Variants in MARCHF3 observed in about 807,000 individuals in gnomAD.
The protein encoded by MARCHF3 is E3 ubiquitin-protein ligase MARCHF3.
A neutral mutation model predicts 24.2 loss-of-function variants in MARCHF3; 13 were observed. The ratio of observed to expected loss-of-function variants is 0.54; its 90% CI spans 0.35 to 0.85. The LOEUF (loss-of-function observed/expected upper bound fraction) is 0.85, where lower values mean the gene tolerates loss of function less well. MARCHF3 is among the 40% of genes least tolerant of loss of function. The probability of loss-of-function intolerance (pLI) is 0.01; values close to 1 mark genes in which losing one functional copy is unlikely to be tolerated. For synonymous variants in MARCHF3, 144 were observed against 137.3 expected (o/e 1.05, Z -0.34); for missense variants, 276 against 325.0 (o/e 0.85, Z 1.16).
chr5:126,973,319 G>T (rs989589195), intron 1 of MARCHF3, among the ~76,000 whole-genome samples: 1 of 152,174 alleles, frequency 6.6e-6, no homozygotes, highest in Non-Finnish European at 1.5e-5. Flanking sequence ...CTGTGTCCAC[G>T]TTTGCATGCT....
rs140962914 is a variant in MARCHF3, at chr5:126,986,866, T to C, written c.-57+43484A>G. The stretch of plus-strand genomic sequence containing the variant: ...GGAAAAAGACATGAGAGTGATGCAA[T>C]TGGGAGATGAACATCATGAAAAGAA... On this transcript the variant is annotated intron_variant, in intron 1 of 4. Coordinates refer to ENST00000308660, the MANE Select transcript of MARCHF3 (RefSeq NM_178450.5). Among the ~76,000 whole-genome samples the C allele has an allele frequency of 1.9e-3, 294 of 152,216 alleles. 1 individual carries two copies. The highest frequency in any genetic ancestry group is 3.4e-3 in the Middle Eastern group (1 of 294).
chr5:126,931,953 T>G lies in MARCHF3; in HGVS notation c.-56-13726A>C, dbSNP rs140336664. Among the ~76,000 whole-genome samples, 14 of 152,360 alleles carry G rather than the reference T, an allele frequency of 9.2e-5. No individual in the cohort carries two copies. In the East Asian group the frequency reaches 2.7e-3, roughly 29 times the overall value. ...GGGTTTGAATCCCTTCGATTTTCCA[T>G]CTACCAGTTATGCCTCCTTAAGCCA... On this transcript the variant is annotated intron_variant, in intron 1 of 4. Coordinates refer to ENST00000308660, the MANE Select transcript of MARCHF3 (RefSeq NM_178450.5).
Position 126,868,975 on chromosome 5 carries a change from C to A in MARCHF3, c.*1658G>T, listed in dbSNP as rs79665108. On this transcript the variant is annotated 3_prime_UTR_variant, in exon 5 of 5. Transcript: ENST00000308660. ...ATATATTACTGGAATTGAAGTGTCC[C>A]AGTGAAGCGTGGTGGGGAGGAAATC... The A allele has an allele frequency of 0.025, 3,820 of 152,354 alleles. 73 individuals are homozygous for A. The highest frequency in any genetic ancestry group is 0.075 in the East Asian group (386 of 5,180). 9.4% of individuals were successfully genotyped at this position (152,354 alleles called of 1,614,324 possible).
Position 126,983,697 on chromosome 5 carries a change from C to CAGACG in MARCHF3, c.-57+46652_-57+46653insCGTCT, listed in dbSNP as rs1561458853. Among the ~76,000 whole-genome samples the CAGACG allele has an allele frequency of 2.9e-3, 449 of 152,248 alleles. 1 individual carries two copies. The highest frequency in any genetic ancestry group is 0.01 in the African/African-American group (434 of 41,530). ...CAGACGGCTGAGGAGCCAGGTCCCT[C>CAGACG]GCTTTCCAACTTGTCCCTTCCCTCA... On this transcript the variant is annotated intron_variant, in intron 1 of 4. Transcript: ENST00000308660.
intron 1 of MARCHF3, among the ~76,000 whole-genome samples, chr5:127,028,817 A>C (rs1753083345): frequency 6.6e-6 from 1 of 152,192 alleles, no homozygotes. Flanking sequence ...CTCCCTCACC[A>C]AAACTTCAAG....
At chr5:126,960,076 C>T (rs2126821749) in intron 1 of MARCHF3, among the ~76,000 whole-genome samples, 1 of 152,250 alleles carries the variant, frequency 6.6e-6, no homozygotes, top group African/African-American at 2.4e-5. Context: ...AATTATCTTT[C>T]CAACGGTCCA....
intron 3 of MARCHF3, among the ~76,000 whole-genome samples, chr5:126,907,528 G>A (rs1027687968): frequency 2.0e-5 from 3 of 151,988 alleles, no homozygotes; most frequent in African/African-American, 7.3e-5. Flanking sequence ...TATATATTTA[G>A]GATAGTTAGC....
chr5:126,878,449 G>T, intron 3 of MARCHF3, 55 bp from the exon 4 acceptor site: 1 of 1,524,698 alleles, frequency 6.6e-7, no homozygotes, highest in Non-Finnish European at 8.9e-7. Flanking sequence ...ATGCCAGTGT[G>T]GAGTGGAGAC....
At chr5:126,968,678 T>C (rs1389306155) in intron 1 of MARCHF3, among the ~76,000 whole-genome samples, 1 of 152,162 alleles carries the variant, frequency 6.6e-6, no homozygotes, top group East Asian at 1.9e-4. Context: ...TGGGTTCAAG[T>C]GATTCTCGTG....
chr5:126,952,364 C>T (rs529945406), intron 1 of MARCHF3, among the ~76,000 whole-genome samples: 4 of 152,234 alleles, frequency 2.6e-5, no homozygotes, highest in South Asian at 4.1e-4. Context: ...GTAGTATATT[C>T]TCATAATAAT....
intron 1 of MARCHF3, among the ~76,000 whole-genome samples, chr5:126,943,727 A>G (rs1749911221): frequency 6.6e-6 from 1 of 152,118 alleles, no homozygotes; most frequent in Admixed American, 6.5e-5. Context: ...TTGGTAGAAA[A>G]CTATGTCACT....
intron 1 of MARCHF3, among the ~76,000 whole-genome samples, chr5:126,944,281 C>T (rs1749935643): frequency 1.3e-5 from 2 of 152,132 alleles, no homozygotes; most frequent in Non-Finnish European, 2.9e-5. Flanking sequence ...GCACTCCTTC[C>T]TCTAATCTCT....
chr5:126,917,256 C>T (rs1268503206), intron 2 of MARCHF3, among the ~76,000 whole-genome samples: 1 of 152,204 alleles, frequency 6.6e-6, no homozygotes, highest in Non-Finnish European at 1.5e-5. Context: ...CCAAGGAGTT[C>T]CTATTAGCCT....
chr5:126,880,519 C>T (rs903348115), intron 3 of MARCHF3, among the ~76,000 whole-genome samples: 3 of 152,074 alleles, frequency 2.0e-5, no homozygotes, highest in African/African-American at 7.2e-5. Flanking sequence ...CATGTTCTTG[C>T]CTGAGTACTG....
intron 1 of MARCHF3, among the ~76,000 whole-genome samples, chr5:126,980,950 C>A (rs1397595082): frequency 6.6e-6 from 1 of 152,232 alleles, no homozygotes; most frequent in East Asian, 1.9e-4. Flanking sequence ...CATCCATGGC[C>A]CCAGACTGAA....
intron 3 of MARCHF3, among the ~76,000 whole-genome samples, chr5:126,891,756 T>C (rs896395593): frequency 1.4e-5 from 2 of 144,162 alleles, no homozygotes; most frequent in Non-Finnish European, 3.0e-5. Context: ...GGCTTAGGAT[T>C]GACTTGGCGA....
rs144096857 is a variant in MARCHF3 at position 126,970,645 on chromosome 5, T to C, written c.-56-52418A>G. Among the ~76,000 whole-genome samples the C allele has an allele frequency of 8.7e-4, 132 of 152,294 alleles. 1 individual carries two copies. Among genetic ancestry groups the C allele is most frequent in the African/African-American group, 3.0e-3 (123 of 41,570 alleles). On this transcript the variant is annotated intron_variant, in intron 1 of 4. Coordinates refer to ENST00000308660, the MANE Select transcript of MARCHF3 (RefSeq NM_178450.5). ...TGACTTTGACAGATTAAGCCAAAGT[T>C]AAATTCTGATGAAGTGCAAAGGAAT... is the stretch of plus-strand genomic sequence containing the variant.
chr5:126,931,792 A>T (rs1214795541), intron 1 of MARCHF3, among the ~76,000 whole-genome samples: 1 of 152,238 alleles, frequency 6.6e-6, no homozygotes, highest in Non-Finnish European at 1.5e-5. Flanking sequence ...GGACTAGAGT[A>T]GAAGCCAGAA....
At chr5:126,955,611 T>C (rs1750412276) in intron 1 of MARCHF3, among the ~76,000 whole-genome samples, 1 of 152,246 alleles carries the variant, frequency 6.6e-6, no homozygotes, top group Admixed American at 6.5e-5. Flanking sequence ...CGCTCCTCTG[T>C]GTATTGCCTG....
Sources: allele counts gnomAD v4.1 joint callset (sites outside exome capture counted in the v4.1 genomes callset), GRCh38; gene constraint gnomAD v4.1.1; transcripts MANE v1.5; gene names NCBI Gene and HGNC (gene_info 2026-07-23, HGNC 2026-07-21).